Variants in CCNI observed in about 807,000 individuals in gnomAD.
The protein encoded by CCNI is cyclin-I.
A neutral mutation model predicts 34.1 loss-of-function variants in CCNI; 14 were observed. The ratio of observed to expected loss-of-function variants is 0.41; its 90% CI spans 0.27 to 0.64. The LOEUF is 0.64. Ranked by LOEUF, CCNI falls within the 30% of genes least tolerant of loss-of-function variation. The pLI is 0.31. For missense variants in CCNI, 385 were observed against 440.5 expected, an observed-to-expected ratio of 0.87 and a Z score of 1.13; for synonymous variants, 154 against 158.4, an observed-to-expected ratio of 0.97 and a Z score of 0.21.
rs2110002662 is a variant in CCNI at position 77,048,557 on chromosome 4, T to C, written c.796A>G (p.Lys266Glu). 1 of 1,613,406 alleles carries C rather than the reference T, an allele frequency of 6.2e-7. No homozygotes were observed. Among genetic ancestry groups the C allele is most frequent in the East Asian group, 2.2e-5 (1 of 44,856 alleles). The change falls in exon 7 of 7, where the codon AAG becomes GAG. Residue 266 changes from lysine to glutamate, a missense_variant. Transcript: ENST00000237654. Reference protein sequence around the residue: ...LNSVYVYRPLKHTLVTCDKGV... With the variant: ...LNSVYVYRPLEHTLVTCDKGV... The stretch of plus-strand genomic sequence containing the variant: ...TTGTCACAGGTCACCAGGGTGTGCT[T>C]GAGGGGACGGTAGACATAAACGGAA...
At chr4:77,056,158 T>C (rs74563201) in intron 4 of CCNI, 56 bp from the exon 5 acceptor site, 5 of 1,602,130 alleles carry the variant, frequency 3.1e-6, no homozygotes, top group African/African-American at 1.3e-5. Context: ...AAGAAACTCA[T>C]TTATGATTTT....
intron 3 of CCNI, among the ~76,000 whole-genome samples, chr4:77,056,842 C>T (rs188061171): frequency 1.2e-4 from 19 of 152,182 alleles, no homozygotes; most frequent in East Asian, 1.2e-3. Context: ...CTGCCCGCCT[C>T]GGCCTCCCAA....
intron 2 of CCNI, among the ~76,000 whole-genome samples, chr4:77,063,713 G>C (rs1472482570): frequency 6.6e-6 from 1 of 150,712 alleles, no homozygotes; most frequent in African/African-American, 2.4e-5. Context: ...AAATAGAATA[G>C]AGAAGTGTCC....
intron 1 of CCNI, chr4:77,074,904 G>C (rs955645982): frequency 6.6e-6 from 1 of 152,086 alleles, no homozygotes; most frequent in African/African-American, 2.4e-5. Context: ...TCAAATTCCA[G>C]TTATTTAATC....
At chr4:77,056,597 T>C in intron 3 of CCNI, 1 of 261,032 alleles carries the variant, frequency 3.8e-6, no homozygotes, top group Non-Finnish European at 7.4e-6. Context: ...TTTTTTTTTT[T>C]TTTTTTTTTT....
chr4:77,061,932 G>C (rs1053588751), intron 2 of CCNI, among the ~76,000 whole-genome samples: 1 of 152,172 alleles, frequency 6.6e-6, no homozygotes, highest in African/African-American at 2.4e-5. Context: ...GCCTCCCAAA[G>C]TGTTGAGATT....
intron 2 of CCNI, among the ~76,000 whole-genome samples, chr4:77,062,282 T>C (rs1728666922): frequency 6.6e-6 from 1 of 152,234 alleles, no homozygotes; most frequent in African/African-American, 2.4e-5. Context: ...TTTTTAAAAA[T>C]TAAATTTCTG....
rs2109802669 is a variant in CCNI, at chr4:77,055,946, C to T, written c.459+16G>A. On this transcript the variant is annotated intron_variant, in intron 5 of 6. Coordinates refer to ENST00000237654, the MANE Select transcript of CCNI (RefSeq NM_006835.3). ...CACACTCAAATAAGAAACTAAAAGA[C>T]TTCAGGTATATTTACAATATGAAGA... The T allele has an allele frequency of 6.3e-7, 1 of 1,594,164 alleles. No individual in the cohort carries two copies. The highest frequency in any genetic ancestry group is 1.1e-5 in the South Asian group (1 of 87,762).
chr4:77,072,066 C>G (rs4252793), intron 1 of CCNI, among the ~76,000 whole-genome samples: 13 of 152,008 alleles, frequency 8.6e-5, no homozygotes, highest in African/African-American at 3.1e-4. Flanking sequence ...CACTAGAAAA[C>G]TACAGATTAG....
intron 1 of CCNI, among the ~76,000 whole-genome samples, chr4:77,072,346 G>C (rs1299200730): frequency 6.6e-6 from 1 of 151,144 alleles, no homozygotes; most frequent in Non-Finnish European, 1.5e-5. Flanking sequence ...GGCAGGGCAT[G>C]GTGGCACCTG....
intron 2 of CCNI, among the ~76,000 whole-genome samples, chr4:77,063,494 C>A (rs1010483478): frequency 6.6e-6 from 1 of 151,920 alleles, no homozygotes; most frequent in South Asian, 2.1e-4. Context: ...TCGAGACCAT[C>A]CTGGCTAACA....
Position 77,064,622 on chromosome 4 carries a change from C to CAA in CCNI, c.114+1625_114+1626dup, listed in dbSNP as rs1553986303. ...ACACACACACACACACACACACACA[C>CAA]AAAATATCACAGGAAGAGGACTACC... On this transcript the variant is annotated intron_variant, in intron 2 of 6. Coordinates refer to ENST00000237654, the MANE Select transcript of CCNI (RefSeq NM_006835.3). 3.4e-5 allele frequency: 5 copies of CAA among 148,340 alleles called. No homozygotes were observed. The East Asian group carries it at 5.8e-4, about 17-fold the overall frequency. 9.2% of individuals were successfully genotyped at this position (148,340 alleles called of 1,614,324 possible). A position where few individuals can be genotyped will look rare whatever the true frequency, so the allele number is the denominator to read the frequency against.
intron 2 of CCNI, 46 bp downstream of exon 2, chr4:77,066,203 G>T: frequency 1.3e-6 from 2 of 1,493,564 alleles, no homozygotes; most frequent in Non-Finnish European, 1.9e-6. Flanking sequence ...GCAGTAGTAT[G>T]TTTATTTCTA....
At chr4:77,068,877 C>G (rs1227604941) in intron 1 of CCNI, among the ~76,000 whole-genome samples, 2 of 152,088 alleles carry the variant, frequency 1.3e-5, no homozygotes, top group African/African-American at 4.8e-5. Context: ...TCTCAACTTA[C>G]TAGAGACTAA....
At chr4:77,074,907 A>C (rs896616019) in intron 1 of CCNI, 1 of 152,056 alleles carries the variant, frequency 6.6e-6, no homozygotes, top group Non-Finnish European at 1.5e-5. Context: ...AATTCCAGTT[A>C]TTTAATCTAG....
Position 77,047,392 on chromosome 4 carries a change from C to G in CCNI, c.*827G>C, listed in dbSNP as rs1202022137. 6.6e-6 allele frequency: 1 copy of G among 152,164 alleles called. No homozygotes were observed. Among genetic ancestry groups the G allele is most frequent in the East Asian group, 1.9e-4 (1 of 5,186 alleles). The allele number at this position is 152,164 out of a possible 1,614,324, so 9.4% of individuals were successfully genotyped here. ...TTAAATCATAGAGCTGCCCCAACATCTAGACAGTCTCTCCTACTGATTATA... is the reference window on the plus strand; with the variant it reads ...TTAAATCATAGAGCTGCCCCAACATGTAGACAGTCTCTCCTACTGATTATA... On this transcript the variant is annotated 3_prime_UTR_variant, in exon 7 of 7. Coordinates refer to ENST00000237654, the MANE Select transcript of CCNI (RefSeq NM_006835.3).
chr4:77,060,469 A>G (rs1728528729), intron 2 of CCNI, among the ~76,000 whole-genome samples: 2 of 152,134 alleles, frequency 1.3e-5, no homozygotes, highest in African/African-American at 4.8e-5. Context: ...TATTCCATAT[A>G]CTTTTTGAGA....
intron 6 of CCNI, among the ~76,000 whole-genome samples, chr4:77,051,557 C>G (rs575908128): frequency 1.3e-5 from 2 of 152,264 alleles, no homozygotes; most frequent in African/African-American, 4.8e-5. Context: ...CACTTCCACC[C>G]AAGTCCCAAG....
intron 1 of CCNI, among the ~76,000 whole-genome samples, chr4:77,071,970 G>A (rs1729498732): frequency 6.6e-6 from 1 of 152,086 alleles, no homozygotes; most frequent in African/African-American, 2.4e-5. Flanking sequence ...ACCATTTTCA[G>A]AAAAACTAAT....
Sources: gnomAD v4.1 joint callset for allele counts (sites outside exome capture counted in the v4.1 genomes callset) on GRCh38, gnomAD v4.1.1 for gene constraint, MANE v1.5 for transcripts, NCBI Gene and HGNC (gene_info 2026-07-23, HGNC 2026-07-21) for gene names.